Variants in TTC29 observed in about 807,000 individuals in gnomAD.
TTC29 encodes the protein tetratricopeptide repeat domain 29.
A neutral mutation model predicts 58.1 loss-of-function variants in TTC29; 49 were observed. The ratio of observed to expected loss-of-function variants is 0.84; its 90% confidence interval spans 0.67 to 1.07. The LOEUF (loss-of-function observed/expected upper bound fraction) is 1.07. Among genes scored for constraint, TTC29 ranks in the 50% least tolerant of loss-of-function variants. The pLI is 0.00. For synonymous variants in TTC29, 209 were observed against 196.8 expected, an observed-to-expected ratio of 1.06 and a Z score of -0.52; for missense variants, 582 against 555.6, an observed-to-expected ratio of 1.05 and a Z score of -0.48.
At chr4:146,772,979 C>T (rs1454225206) in intron 11 of TTC29, among the ~76,000 whole-genome samples, 1 of 152,002 alleles carries the variant, frequency 6.6e-6, no homozygotes. Context: ...CTTTTTGTGG[C>T]TATTATGAAT....
intron 6 of TTC29, among the ~76,000 whole-genome samples, chr4:146,898,529 G>T (rs915974108): frequency 1.3e-5 from 2 of 152,150 alleles, no homozygotes; most frequent in Non-Finnish European, 2.9e-5. Flanking sequence ...ATTATGGTTA[G>T]CCTTTACTCC....
intron 11 of TTC29, among the ~76,000 whole-genome samples, chr4:146,798,033 C>G (rs1027472171): frequency 6.6e-6 from 1 of 151,760 alleles, no homozygotes; most frequent in African/African-American, 2.4e-5. Flanking sequence ...AGTTCACTAA[C>G]CTTTTCCTTT....
rs1161948459 is a variant in TTC29 at position 146,903,525 on chromosome 4, C to T, written c.586+19G>A. The T allele has an allele frequency of 2.5e-6, 4 of 1,584,532 alleles. No homozygotes were observed. Among genetic ancestry groups the T allele is most frequent in the East Asian group, 2.3e-5 (1 of 43,584 alleles). On this transcript the variant is annotated intron_variant, in intron 6 of 12. Transcript: ENST00000325106. ...TCCACCAAAACATACCCAAGGCATCCTGGCAAATGCCCACTCACCATCTTC... is the reference window on the plus strand; with the variant it reads ...TCCACCAAAACATACCCAAGGCATCTTGGCAAATGCCCACTCACCATCTTC...
chr4:146,847,556 CA>C (rs982267945), intron 8 of TTC29, among the ~76,000 whole-genome samples: 1 of 152,116 alleles, frequency 6.6e-6, no homozygotes, highest in Admixed American at 6.5e-5. Flanking sequence ...GGCACTGAGG[CA>C]GAGACAGGGA....
intron 11 of TTC29, among the ~76,000 whole-genome samples, chr4:146,710,531 G>A (rs1011829700): frequency 2.0e-5 from 3 of 152,064 alleles, no homozygotes; most frequent in Non-Finnish European, 4.4e-5. Context: ...GTACTCACTC[G>A]CCACAGGACT....
rs991812696 is a variant in TTC29, at chr4:146,943,431, GA to G, written c.-7+1599del. Among the ~76,000 whole-genome samples, 844 of 146,860 alleles carry G rather than the reference GA, an allele frequency of 5.7e-3. 5 individuals carry two copies. Among genetic ancestry groups the G allele is most frequent in the African/African-American group, 0.019 (763 of 40,182 alleles). On this transcript the variant is annotated intron_variant, in intron 2 of 12. Transcript: ENST00000325106. The stretch of plus-strand genomic sequence containing the variant: ...GTTATCAGAGCTGAATGATAAAGTG[GA>G]AAAAAAAAAGCATGTTGGAAAAAAT...
intron 11 of TTC29, among the ~76,000 whole-genome samples, chr4:146,739,947 G>A (rs1487672198): frequency 6.6e-6 from 1 of 152,138 alleles, no homozygotes; most frequent in Non-Finnish European, 1.5e-5. Flanking sequence ...ATGAATAGAA[G>A]TGTGCCTCTT....
intron 11 of TTC29, among the ~76,000 whole-genome samples, chr4:146,732,582 T>C (rs1007824422): frequency 1.3e-5 from 2 of 152,128 alleles, no homozygotes; most frequent in African/African-American, 4.8e-5. Context: ...TGGGTTTAAC[T>C]GGTTTAACTA....
chr4:146,894,122 C>T (rs1247261388), intron 6 of TTC29, among the ~76,000 whole-genome samples: 8 of 151,888 alleles, frequency 5.3e-5, no homozygotes, highest in Non-Finnish European at 1.2e-4. Flanking sequence ...GTCAATATGG[C>T]GATTCCTCAG....
intron 11 of TTC29, among the ~76,000 whole-genome samples, chr4:146,784,665 T>A (rs180795946): frequency 6.6e-5 from 10 of 152,298 alleles, no homozygotes. Flanking sequence ...ATATATTGAA[T>A]CTGCCTCAAT....
chr4:146,806,245 G>A (rs1228613552), intron 10 of TTC29, among the ~76,000 whole-genome samples: 1 of 152,138 alleles, frequency 6.6e-6, no homozygotes, highest in African/African-American at 2.4e-5. Context: ...CACTAAATAT[G>A]GAAAGGAAAA....
chr4:146,805,824 T>C (rs1371150267), intron 10 of TTC29, among the ~76,000 whole-genome samples: 2 of 152,130 alleles, frequency 1.3e-5, no homozygotes, highest in Non-Finnish European at 2.9e-5. Context: ...CAGGATACTA[T>C]ATGGGAGCAC....
chr4:146,798,606 C>G (rs1311361511), intron 11 of TTC29, among the ~76,000 whole-genome samples: 1 of 151,864 alleles, frequency 6.6e-6, no homozygotes, highest in African/African-American at 2.4e-5. Context: ...AAAATACTGG[C>G]CGGGCTAGGC....
chr4:146,721,365 G>A (rs1395486217), intron 11 of TTC29, among the ~76,000 whole-genome samples: 1 of 152,164 alleles, frequency 6.6e-6, no homozygotes, highest in Non-Finnish European at 1.5e-5. Context: ...TGACTGATAA[G>A]TCGAAGTCAT....
rs192844461 is a variant in TTC29 at position 146,856,043 on chromosome 4, C to T, written c.885+11455G>A. 3.9e-5 allele frequency among the ~76,000 whole-genome samples: 6 copies of T among 152,264 alleles called. No homozygotes were observed. The East Asian group carries it at 1.2e-3, about 29-fold the overall frequency. On this transcript the variant is annotated intron_variant, in intron 8 of 12. Transcript: ENST00000325106. ...CAGGTTGCTTTATTGCTCCAGCGAA[C>T]ATTTTCATACACTAGGCCTTGAACT...
intron 10 of TTC29, among the ~76,000 whole-genome samples, chr4:146,815,964 G>A (rs1017444631): frequency 4.6e-5 from 7 of 152,102 alleles, no homozygotes; most frequent in Admixed American, 4.6e-4. Context: ...ACTTTTCTGA[G>A]GGGCAATATT....
chr4:146,884,161 ACAAT>A (rs1393370329), intron 6 of TTC29, among the ~76,000 whole-genome samples: 12 of 152,134 alleles, frequency 7.9e-5, no homozygotes, highest in African/African-American at 2.4e-4. Flanking sequence ...CCAAAAAGTG[ACAAT>A]TAATTTATGT....
intron 3 of TTC29, among the ~76,000 whole-genome samples, chr4:146,938,135 A>C (rs1413104320): frequency 6.6e-6 from 1 of 152,170 alleles, no homozygotes; most frequent in Non-Finnish European, 1.5e-5. Context: ...AGTTTTTTTA[A>C]TCACACATAA....
chr4:146,756,713 TG>T, intron 11 of TTC29, among the ~76,000 whole-genome samples: 1 of 152,030 alleles, frequency 6.6e-6, no homozygotes, highest in Non-Finnish European at 1.5e-5. Context: ...TTGGAGTCTT[TG>T]TTCATGTATT....
Sources: gnomAD v4.1 joint callset for allele counts (sites outside exome capture counted in the v4.1 genomes callset) on GRCh38, gnomAD v4.1.1 for gene constraint, MANE v1.5 for transcripts, NCBI Gene and HGNC (gene_info 2026-07-23, HGNC 2026-07-21) for gene names.